The following HNRNPR variants were observed in gnomAD, a reference collection of about 807,000 sequenced individuals.
The protein encoded by HNRNPR is heterogeneous nuclear ribonucleoprotein R.
In HNRNPR, 4 loss-of-function variants were observed where a neutral mutation model predicts 70.3. The observed-to-expected ratio is 0.06, with a 90% CI of 0.03 to 0.13. The LOEUF (loss-of-function observed/expected upper bound fraction) is 0.13. HNRNPR is among the 10% of genes least tolerant of loss of function. The pLI, the probability that HNRNPR is intolerant of heterozygous loss-of-function variation, is 1.00. For missense variants in HNRNPR, 423 were observed against 788.5 expected, an observed-to-expected ratio of 0.54 and a Z score of 5.55; for synonymous variants, 241 against 267.6, an observed-to-expected ratio of 0.90 and a Z score of 0.97.
intron 5 of HNRNPR, among the ~76,000 whole-genome samples, chr1:23,331,406 A>T (rs76078708): frequency 9.7e-4 from 5 of 5,132 alleles, no homozygotes; most frequent in East Asian, 8.1e-3. Context: ...ACAAAAAATT[A>T]AAAAAAAAAA....
intron 5 of HNRNPR, among the ~76,000 whole-genome samples, chr1:23,329,654 A>G (rs939504905): frequency 1.3e-5 from 2 of 152,198 alleles, no homozygotes; most frequent in Non-Finnish European, 2.9e-5. Flanking sequence ...TTTTTGAGAC[A>G]AGGTACTTGC....
At chr1:23,316,749 T>C (rs924292630) in intron 8 of HNRNPR, among the ~76,000 whole-genome samples, 2 of 152,188 alleles carry the variant, frequency 1.3e-5, no homozygotes, top group African/African-American at 2.4e-5. Context: ...AAAGTCATAG[T>C]TGTATTAGGA....
intron 5 of HNRNPR, among the ~76,000 whole-genome samples, chr1:23,328,359 G>A (rs986270303): frequency 3.9e-5 from 6 of 152,206 alleles, no homozygotes; most frequent in African/African-American, 9.7e-5. Flanking sequence ...AGGGCAATCT[G>A]GGAAAGAGAT....
chr1:23,315,946 CGAT>C (rs1645527590), intron 8 of HNRNPR, among the ~76,000 whole-genome samples: 1 of 151,994 alleles, frequency 6.6e-6, no homozygotes, highest in African/African-American at 2.4e-5. Flanking sequence ...TATGATGAAA[CGAT>C]AACATACTAT....
At chr1:23,331,240 T>A (rs1415431696) in intron 5 of HNRNPR, among the ~76,000 whole-genome samples, 1 of 151,984 alleles carries the variant, frequency 6.6e-6, no homozygotes, top group Non-Finnish European at 1.5e-5. Flanking sequence ...AATTAACATA[T>A]CAACTATTTG....
Position 23,306,149 on chromosome 1 carries a change from A to AT in HNRNPR, c.*4304dup, listed in dbSNP as rs1304719485. On this transcript the variant is annotated 3_prime_UTR_variant, in exon 11 of 11. Coordinates refer to ENST00000302271, the MANE Select transcript of HNRNPR (RefSeq NM_005826.5). Reference sequence around the variant, plus strand: ...TCTCTCCAAGAGACTTTTTAAGATTATAAGGTGTCTATTTTGCTCACTTAA... The same window carrying AT: ...TCTCTCCAAGAGACTTTTTAAGATTATTAAGGTGTCTATTTTGCTCACTTAA... 1 of 152,198 alleles carries AT rather than the reference A, an allele frequency of 6.6e-6. No individual in the cohort carries two copies. Among genetic ancestry groups the AT allele is most frequent in the Non-Finnish European group, 1.5e-5 (1 of 68,026 alleles). 9.4% of individuals were successfully genotyped at this position (152,198 alleles called of 1,614,324 possible).
At chr1:23,328,056 T>C (rs1406578471) in intron 5 of HNRNPR, among the ~76,000 whole-genome samples, 1 of 148,408 alleles carries the variant, frequency 6.7e-6, no homozygotes, top group South Asian at 2.2e-4. Flanking sequence ...TCCAAGTTGA[T>C]GGAACAGGTA....
intron 1 of HNRNPR, among the ~76,000 whole-genome samples, chr1:23,342,615 A>T (rs1433146891): frequency 1.3e-5 from 2 of 152,198 alleles, no homozygotes; most frequent in East Asian, 1.9e-4. Context: ...GATGCATCCT[A>T]AAACACAAAA....
intron 5 of HNRNPR, among the ~76,000 whole-genome samples, chr1:23,331,281 G>A (rs1179263952): frequency 6.6e-6 from 1 of 151,822 alleles, no homozygotes; most frequent in African/African-American, 2.4e-5. Context: ...AGTTTATTAG[G>A]CCAGACATGG....
chr1:23,320,019 G>C (rs1645695169), intron 7 of HNRNPR, among the ~76,000 whole-genome samples: 2 of 152,276 alleles, frequency 1.3e-5, no homozygotes, highest in Admixed American at 1.3e-4. Flanking sequence ...TTATCACAAT[G>C]TCTAAATATT....
At chr1:23,319,287 A>G (rs1433094735) in intron 7 of HNRNPR, among the ~76,000 whole-genome samples, 1 of 152,162 alleles carries the variant, frequency 6.6e-6, no homozygotes, top group African/African-American at 2.4e-5. Flanking sequence ...AGATGTGCCT[A>G]CGTTCTTACC....
rs1645623098 is a variant in HNRNPR at position 23,318,160 on chromosome 1, A to C, written c.1017+323T>G. 6.7e-6 allele frequency among the ~76,000 whole-genome samples: 1 copy of C among 149,486 alleles called. No homozygotes were observed. The highest frequency in any genetic ancestry group is 6.6e-5 in the Admixed American group (1 of 15,194). ...CAAAACATTACTTCTCTCTTTACTC[A>C]GGACTTTTAAAAAAAAAAAAAACCT... On this transcript the variant is annotated intron_variant, in intron 8 of 10. Transcript: ENST00000302271. The surrounding 1 kb of genome is among the most constrained non-coding windows in gnomAD (Gnocchi z 4.2).
chr1:23,337,220 C>T (rs966810675), intron 4 of HNRNPR, among the ~76,000 whole-genome samples: 1 of 152,238 alleles, frequency 6.6e-6, no homozygotes, highest in Non-Finnish European at 1.5e-5. Flanking sequence ...AATAAATATA[C>T]GTCATTCATG....
chr1:23,326,453 C>A (rs1267033967), intron 5 of HNRNPR, among the ~76,000 whole-genome samples: 1 of 152,124 alleles, frequency 6.6e-6, no homozygotes, highest in Non-Finnish European at 1.5e-5. Context: ...GAGCTGTATA[C>A]CCAGATGTCA....
At chr1:23,322,460 T>C (rs1319549578) in intron 6 of HNRNPR, among the ~76,000 whole-genome samples, 1 of 152,190 alleles carries the variant, frequency 6.6e-6, no homozygotes. Context: ...GATCTTGAAC[T>C]CCTGACCTCA....
chr1:23,327,965 C>A (rs544048669), intron 5 of HNRNPR, among the ~76,000 whole-genome samples: 250 of 132,242 alleles, frequency 1.9e-3, no homozygotes, highest in Admixed American at 4.2e-3. Context: ...AGTTCTAGAC[C>A]AGCCTGAGAA....
rs1432532534 is a variant in HNRNPR at position 23,309,033 on chromosome 1, C to T, written c.*1421G>A. 1 of 152,026 alleles carries T rather than the reference C, an allele frequency of 6.6e-6. No individual in the cohort carries two copies. The highest frequency in any genetic ancestry group is 1.5e-5 in the Non-Finnish European group (1 of 67,928). 9.4% of individuals were successfully genotyped at this position (152,026 alleles called of 1,614,324 possible). On this transcript the variant is annotated 3_prime_UTR_variant, in exon 11 of 11. Transcript: ENST00000302271. ...AAAGCTTAGATTCTTTTGTTCCTCT[C>T]ATTCTCAAGCAAAAAAGTCATTAGA...
At position 23,309,561 on chromosome 1, in the gene HNRNPR, G is replaced by A. The variant is rs910722115; in HGVS notation, c.*893C>T. ...AATAAAAGATAAAATTTCAAAATTA[G>A]AAGAGACTATGAGAGAACACCAATC... On this transcript the variant is annotated 3_prime_UTR_variant, in exon 11 of 11. Transcript: ENST00000302271. 2 of 151,144 alleles carry A rather than the reference G, an allele frequency of 1.3e-5. No homozygotes were observed. The highest frequency in any genetic ancestry group is 2.9e-5 in the Non-Finnish European group (2 of 67,814). The allele number at this position is 151,144 out of a possible 1,614,324, so 9.4% of individuals were successfully genotyped here.
chr1:23,333,432 T>G, intron 5 of HNRNPR, 86 bp downstream of exon 5: 1 of 731,400 alleles, frequency 1.4e-6, no homozygotes, highest in South Asian at 1.7e-5. Flanking sequence ...GATCAAGAAT[T>G]TTCCCCCGTC....
Sources: allele counts gnomAD v4.1 joint callset (sites outside exome capture counted in the v4.1 genomes callset), GRCh38; gene constraint gnomAD v4.1.1; non-coding constraint Gnocchi (gnomAD v3.1); transcripts MANE v1.5; gene names NCBI Gene and HGNC (gene_info 2026-07-23, HGNC 2026-07-21).